The following ERAP1 variants were observed in gnomAD, a reference collection of about 807,000 sequenced individuals.
The protein encoded by ERAP1 is endoplasmic reticulum aminopeptidase 1, also known as adipocyte-derived leucine aminopeptidase.
ERAP1 carries 86 observed loss-of-function variants against 103.7 expected under a neutral mutation model. The ratio of observed to expected loss-of-function variants is 0.83; its 90% confidence interval spans 0.70 to 0.99. ERAP1 has a LOEUF of 0.99. ERAP1 is among the 50% of genes least tolerant of loss of function. ERAP1 has a pLI of 0.00. For synonymous variants in ERAP1, 398 were observed against 402.4 expected (o/e 0.99, Z 0.13); for missense variants, 1,009 against 1,128.4 (o/e 0.89, Z 1.52).
rs1391844042 is a variant in ERAP1, at chr5:96,790,289, A to T, written c.1524+7T>A. On this transcript the variant is annotated splice_region_variant and intron_variant, in intron 10 of 18. Transcript: ENST00000443439. ...TTGGGGGAACATGTACAGATATAGA[A>T]ACTTACTGAGGATGAAGATGAATGT... The T allele has an allele frequency of 4.3e-6, 7 of 1,613,576 alleles. No individual in the cohort carries two copies. The highest frequency in any genetic ancestry group is 5.9e-6 in the Non-Finnish European group (7 of 1,179,486).
chr5:96,792,070 A>G lies in ERAP1; in HGVS notation c.1311T>C (p.Ser437=). Residue 437 remains serine (S), a synonymous_variant, in exon 8 of 19, where the codon TCT becomes TCC. Coordinates refer to ENST00000443439, the MANE Select transcript of ERAP1 (RefSeq NM_001040458.3). ...AQIREMFDDV[S]YDKGACILNM... is the part of the protein sequence containing the mutation. ...CTCAATCTACTTTTACCTTATCATA[A>G]GAAACATCATCAAACATCTCCCGGA... is the stretch of plus-strand genomic sequence containing the variant. 1 of 1,614,064 alleles carries G rather than the reference A, an allele frequency of 6.2e-7. No homozygotes were observed. Among genetic ancestry groups the G allele is most frequent in the Non-Finnish European group, 8.5e-7 (1 of 1,179,908 alleles).
chr5:96,885,413 A>G, the ERAP1 span, among the ~76,000 whole-genome samples: 1 of 152,344 alleles, frequency 6.6e-6, no homozygotes, highest in South Asian at 2.1e-4. Context: ...GTTCTTAAAA[A>G]TTACAGCCCT....
At chr5:96,761,380 A>G (rs2150672824) in exon 20 of ERAP1, 1 of 152,330 alleles carries the variant, frequency 6.6e-6, no homozygotes, top group South Asian at 2.1e-4. Flanking sequence ...AAAATATTAC[A>G]TTCTAAAACG....
At chr5:96,879,057 C>G in the ERAP1 span, among the ~76,000 whole-genome samples, 3 of 151,984 alleles carry the variant, frequency 2.0e-5, no homozygotes, top group African/African-American at 7.3e-5. Flanking sequence ...AGACCCCCAT[C>G]TCTACAAAAA....
At chr5:96,841,747 C>CTTTTTTTTTTTTTT in the ERAP1 span, among the ~76,000 whole-genome samples, 6 of 108,542 alleles carry the variant, frequency 5.5e-5, no homozygotes, top group Admixed American at 2.0e-4. Flanking sequence ...TCTTCTTCTT[C>CTTTTTTTTTTTTTT]TTTTTTTTTT....
chr5:96,845,015 T>C, the ERAP1 span, among the ~76,000 whole-genome samples: 1 of 152,182 alleles, frequency 6.6e-6, no homozygotes, highest in Non-Finnish European at 1.5e-5. Flanking sequence ...GCATTGTGTT[T>C]TTCAAAGTTT....
At chr5:96,839,274 T>C in the ERAP1 span, among the ~76,000 whole-genome samples, 13 of 152,234 alleles carry the variant, frequency 8.5e-5, no homozygotes, top group Non-Finnish European at 1.9e-4. Context: ...TATGTAAACA[T>C]GATTGATTGA....
the ERAP1 span, among the ~76,000 whole-genome samples, chr5:96,928,212 C>T: frequency 6.6e-6 from 1 of 152,138 alleles, no homozygotes; most frequent in Non-Finnish European, 1.5e-5. Context: ...TTGATACTAT[C>T]CTTTGAAGCA....
upstream of ERAP1, among the ~76,000 whole-genome samples, chr5:96,810,633 C>T (rs1779098188): frequency 1.3e-5 from 2 of 152,152 alleles, no homozygotes; most frequent in Admixed American, 6.5e-5. Context: ...TTGAGCCCAT[C>T]CATTGCAGAG....
chr5:96,762,484 C>T, exon 20 of ERAP1: 1 of 645,330 alleles, frequency 1.5e-6, no homozygotes, highest in Non-Finnish European at 2.6e-6. Flanking sequence ...TTAGGAAGAT[C>T]AGGCACCTTC....
rs183254947 is a variant in ERAP1, at chr5:96,801,725, G to A, written c.525-725C>T. On this transcript the variant is annotated intron_variant, in intron 2 of 18. Coordinates refer to ENST00000443439, the MANE Select transcript of ERAP1 (RefSeq NM_001040458.3). ...AAATTAGCTGGGTGTGGTGGTGCGCGTCTGTAATCCCAGCTACTCAGGAGG... is the reference window on the plus strand; with the variant it reads ...AAATTAGCTGGGTGTGGTGGTGCGCATCTGTAATCCCAGCTACTCAGGAGG... Among the ~76,000 whole-genome samples, 849 of 151,476 alleles carry A rather than the reference G, an allele frequency of 5.6e-3. 7 individuals carry two copies. The highest frequency in any genetic ancestry group is 0.019 in the African/African-American group (803 of 41,300).
At chr5:96,917,431 G>T in the ERAP1 span, 8 of 1,594,516 alleles carry the variant, frequency 5.0e-6, no homozygotes. Flanking sequence ...AAGACAAAGT[G>T]TTAGTAATTT....
chr5:96,826,584 G>T, the ERAP1 span, among the ~76,000 whole-genome samples: 1 of 152,210 alleles, frequency 6.6e-6, no homozygotes, highest in Non-Finnish European at 1.5e-5. Context: ...TGTCGTGGTG[G>T]ATGAATTTAG....
chr5:96,903,939 C>T, the ERAP1 span, among the ~76,000 whole-genome samples: 9 of 152,192 alleles, frequency 5.9e-5, no homozygotes, highest in African/African-American at 2.2e-4. Context: ...CCCAAATGGC[C>T]TGTTTCATTC....
chr5:96,818,426 CTT>C, the ERAP1 span, among the ~76,000 whole-genome samples: 3,414 of 147,868 alleles, frequency 0.023, 125 homozygotes, highest in African/African-American at 0.08. Context: ...AGGGAAGCCT[CTT>C]TTTTTTTTTT....
At chr5:96,857,751 AAGGATC>A in the ERAP1 span, among the ~76,000 whole-genome samples, 2 of 152,234 alleles carry the variant, frequency 1.3e-5, no homozygotes, top group African/African-American at 4.8e-5. Context: ...AGCCATCATA[AAGGATC>A]ACTTCTCATT....
At chr5:96,781,264 A>G (rs1223220053) in intron 16 of ERAP1, 66 bp from the exon 17 acceptor site, 12 of 1,513,654 alleles carry the variant, frequency 7.9e-6, no homozygotes, top group Admixed American at 7.2e-5. Context: ...AATCACTGCA[A>G]TAAAATTACT....
chr5:96,902,603 T>C, the ERAP1 span: 4 of 366,408 alleles, frequency 1.1e-5, no homozygotes, highest in Admixed American at 4.3e-5. Context: ...AACAGAAATC[T>C]ATCTTATGTC....
chr5:96,888,284 G>T, the ERAP1 span, among the ~76,000 whole-genome samples: 2 of 152,314 alleles, frequency 1.3e-5, no homozygotes, highest in East Asian at 3.9e-4. Flanking sequence ...CTTAGACATG[G>T]ATGTCTATGC....
Sources: gnomAD v4.1 joint callset for allele counts (sites outside exome capture counted in the v4.1 genomes callset) on GRCh38, gnomAD v4.1.1 for gene constraint, MANE v1.5 for transcripts, NCBI Gene and HGNC (gene_info 2026-07-23, HGNC 2026-07-21) for gene names.